The following RNF216 variants were observed in gnomAD, a reference collection of about 807,000 sequenced individuals.
The protein encoded by RNF216 is E3 ubiquitin-protein ligase RNF216.
A neutral mutation model predicts 110.8 loss-of-function variants in RNF216; 72 were observed. The observed-to-expected ratio is 0.65, with a 90% CI of 0.54 to 0.79. The LOEUF (loss-of-function observed/expected upper bound fraction) is 0.79, where lower values mean the gene tolerates loss of function less well. Among genes scored for constraint, RNF216 ranks in the 30% least tolerant of loss-of-function variants. RNF216 has a pLI of 0.00. For missense variants in RNF216, 1,342 were observed against 1,141.2 expected (o/e 1.18, Z -2.54); for synonymous variants, 495 against 407.5 (o/e 1.21, Z -2.59).
At chr7:5,628,224 T>G (rs1436076293) in intron 15 of RNF216, among the ~76,000 whole-genome samples, 2 of 152,160 alleles carry the variant, frequency 1.3e-5, no homozygotes, top group Non-Finnish European at 2.9e-5. Context: ...ATCAAGACCA[T>G]TTGCCCTTGA....
Position 5,780,117 on chromosome 7 carries a change from C to G in RNF216, c.-70+1424G>C, listed in dbSNP as rs545425883. On this transcript the variant is annotated intron_variant, in intron 1 of 16. Transcript: ENST00000389902. The stretch of plus-strand genomic sequence containing the variant: ...TCCTAACCTCTAAAACAATGCCAAC[C>G]CAGCCCCTTCCAGGAGTAACAGCTT... 11 of 152,276 alleles carry G rather than the reference C, an allele frequency of 7.2e-5. No individual in the cohort carries two copies. In the South Asian group the frequency reaches 2.3e-3, roughly 32 times the overall value. 9.4% of individuals were successfully genotyped at this position (152,276 alleles called of 1,614,324 possible).
intron 4 of RNF216, 124 bp downstream of exon 4, chr7:5,740,849 T>C (rs1182364003): frequency 4.7e-6 from 4 of 849,910 alleles, no homozygotes; most frequent in Non-Finnish European, 7.0e-6. Flanking sequence ...TACATCTAGA[T>C]ATATACTTCT....
At position 5,680,752 on chromosome 7, in the gene RNF216, T is replaced by G. The variant is rs1790601345; in HGVS notation, c.2062-28242A>C. 6.6e-6 allele frequency among the ~76,000 whole-genome samples: 1 copy of G among 152,122 alleles called. No homozygotes were observed. The highest frequency in any genetic ancestry group is 2.4e-5 in the African/African-American group (1 of 41,418). ...AAAGGCACCCCAGACAAAAGATGTC[T>G]GAAGCACCACTTCTGGCCCCTGGGC... On this transcript the variant is annotated intron_variant, in intron 13 of 16. Coordinates refer to ENST00000389902, the MANE Select transcript of RNF216 (RefSeq NM_207111.4). The surrounding 1 kb of genome is among the most constrained non-coding windows in gnomAD (Gnocchi z 4.3).
intron 13 of RNF216, among the ~76,000 whole-genome samples, chr7:5,702,343 T>C (rs1057288697): frequency 9.2e-5 from 14 of 152,140 alleles, no homozygotes; most frequent in Admixed American, 3.3e-4. Context: ...GTAGCTGAAA[T>C]ACAGGGGTAA....
intron 13 of RNF216, among the ~76,000 whole-genome samples, chr7:5,703,637 G>C (rs1335500826): frequency 6.6e-6 from 1 of 152,246 alleles, no homozygotes; most frequent in African/African-American, 2.4e-5. Context: ...TGGCAGGTGA[G>C]AAAAGATAAA....
chr7:5,780,624 G>A (rs1269961493), intron 1 of RNF216, among the ~76,000 whole-genome samples: 2 of 151,966 alleles, frequency 1.3e-5, no homozygotes, highest in Non-Finnish European at 2.9e-5. Flanking sequence ...AAAATCGCTT[G>A]AATCCGGGAG....
At chr7:5,647,676 T>A (rs1280663350) in intron 14 of RNF216, among the ~76,000 whole-genome samples, 1 of 152,154 alleles carries the variant, frequency 6.6e-6, no homozygotes, top group Non-Finnish European at 1.5e-5. Flanking sequence ...GGTTAGCTCG[T>A]ATAGTTTTAT....
At chr7:5,775,105 C>T (rs1796704097) in intron 1 of RNF216, 1 of 152,126 alleles carries the variant, frequency 6.6e-6, no homozygotes, top group Non-Finnish European at 1.5e-5. Flanking sequence ...CGAGTGGCTC[C>T]AAAAACTTCT....
At chr7:5,667,722 C>A (rs906948969) in intron 13 of RNF216, among the ~76,000 whole-genome samples, 4 of 152,224 alleles carry the variant, frequency 2.6e-5, no homozygotes, top group Non-Finnish European at 5.9e-5. Context: ...CCAGCTCCTG[C>A]CTGCTGGAAC....
chr7:5,664,569 G>C (rs763022460), intron 13 of RNF216, among the ~76,000 whole-genome samples: 2 of 152,206 alleles, frequency 1.3e-5, no homozygotes, highest in Non-Finnish European at 2.9e-5. Flanking sequence ...CCCTGAAAAT[G>C]TGTGCCCAAG....
intron 8 of RNF216, among the ~76,000 whole-genome samples, chr7:5,723,449 C>T: frequency 6.6e-6 from 1 of 151,938 alleles, no homozygotes; most frequent in African/African-American, 2.4e-5. Context: ...AGATCGAGAC[C>T]ATCCTGGCTA....
chr7:5,712,465 T>C lies in RNF216; in HGVS notation c.1982+250A>G, dbSNP rs28578361. Among the ~76,000 whole-genome samples, 9,314 of 149,196 alleles carry C rather than the reference T, an allele frequency of 0.062. 957 individuals carry two copies. Among genetic ancestry groups the C allele is most frequent in the African/African-American group, 0.22 (8,799 of 40,526 alleles). ...TCCAGCCTGGGCGACAGAGCGAGAA[T>C]CCACCTCAAAAAAAAAAAAAGAAGT... is the stretch of plus-strand genomic sequence containing the variant. On this transcript the variant is annotated intron_variant, in intron 12 of 16. Coordinates refer to ENST00000389902, the MANE Select transcript of RNF216 (RefSeq NM_207111.4).
intron 13 of RNF216, among the ~76,000 whole-genome samples, chr7:5,662,230 T>G (rs1202781041): frequency 6.6e-6 from 1 of 152,188 alleles, no homozygotes; most frequent in Non-Finnish European, 1.5e-5. Flanking sequence ...AACCTGCTAA[T>G]CACAGGGTGA....
chr7:5,682,934 T>C (rs1035569046), intron 13 of RNF216, among the ~76,000 whole-genome samples: 2 of 151,852 alleles, frequency 1.3e-5, no homozygotes, highest in South Asian at 4.2e-4. Flanking sequence ...CAGAAAAAAA[T>C]TCTACATTTC....
At chr7:5,638,473 A>T (rs749372256) in intron 15 of RNF216, among the ~76,000 whole-genome samples, 4 of 152,164 alleles carry the variant, frequency 2.6e-5, no homozygotes, top group Non-Finnish European at 4.4e-5. Flanking sequence ...GGATCTGTAC[A>T]CAGTAACTGC....
At chr7:5,687,811 C>T (rs73673151) in intron 13 of RNF216, among the ~76,000 whole-genome samples, 1,819 of 152,314 alleles carry the variant, frequency 0.012, 29 homozygotes, top group African/African-American at 0.042. Flanking sequence ...GTTTTGCAAA[C>T]ATCCCCTCCT....
chr7:5,719,857 T>C (rs1247691704), intron 9 of RNF216, among the ~76,000 whole-genome samples: 1 of 152,224 alleles, frequency 6.6e-6, no homozygotes, highest in Non-Finnish European at 1.5e-5. Flanking sequence ...GTTGCATAAG[T>C]GCTTTCCTCA....
chr7:5,624,165 A>T lies in RNF216; in HGVS notation c.2383-40T>A, dbSNP rs1210793527. ...ATGAGAAGGATGAACCTGTAGCTTC[A>T]TGCAGTGCTGAGGCCCCGTGGGACA... On this transcript the variant is annotated intron_variant, in intron 15 of 16. Transcript: ENST00000389902. The surrounding 1 kb of genome is among the most constrained non-coding windows in gnomAD (Gnocchi z 4.4). 6.3e-7 allele frequency: 1 copy of T among 1,577,834 alleles called. No homozygotes were observed. The highest frequency in any genetic ancestry group is 1.7e-5 in the Admixed American group (1 of 59,198).
chr7:5,651,496 T>C (rs753846183), intron 14 of RNF216, among the ~76,000 whole-genome samples: 21 of 152,242 alleles, frequency 1.4e-4, no homozygotes, highest in South Asian at 1.2e-3. Context: ...CCTCCCAAAA[T>C]GCCAGGATTA....
Sources: gnomAD v4.1 joint callset for allele counts (sites outside exome capture counted in the v4.1 genomes callset) on GRCh38, gnomAD v4.1.1 for gene constraint, Gnocchi (gnomAD v3.1) non-coding constraint, MANE v1.5 for transcripts, NCBI Gene and HGNC (gene_info 2026-07-23, HGNC 2026-07-21) for gene names.